Variants in YTHDC2 observed in about 807,000 individuals in gnomAD.
The protein encoded by YTHDC2 is YTH N6-methyladenosine RNA binding protein C2.
In YTHDC2, 45 loss-of-function variants were observed where a neutral mutation model predicts 174.9. The observed-to-expected ratio is 0.26, with a 90% CI of 0.20 to 0.33. The LOEUF (loss-of-function observed/expected upper bound fraction) is 0.33, where lower values mean the gene tolerates loss of function less well. Ranked by LOEUF, YTHDC2 falls within the 10% of genes least tolerant of loss-of-function variation. The pLI is 1.00. For synonymous variants in YTHDC2, 657 were observed against 574.5 expected, an observed-to-expected ratio of 1.14 and a Z score of -2.05; for missense variants, 1,650 against 1,723.7, an observed-to-expected ratio of 0.96 and a Z score of 0.76.
At chr5:113,557,260 A>G (rs1331150412) in intron 17 of YTHDC2, among the ~76,000 whole-genome samples, 1 of 152,232 alleles carries the variant, frequency 6.6e-6, no homozygotes, top group African/African-American at 2.4e-5. Context: ...AAAAGATAAC[A>G]TTAAAAAGTA....
intron 10 of YTHDC2, among the ~76,000 whole-genome samples, chr5:113,548,139 G>A (rs1427374136): frequency 6.6e-6 from 1 of 152,092 alleles, no homozygotes; most frequent in Non-Finnish European, 1.5e-5. Flanking sequence ...TTCATTACTA[G>A]TTACTGATGA....
rs533924645 is a variant in YTHDC2, at chr5:113,553,084, C to G, written c.1689-97C>G. 214 of 1,180,282 alleles carry G rather than the reference C, an allele frequency of 1.8e-4. 5 individuals carry two copies. In the South Asian group the frequency reaches 4.0e-3, roughly 22 times the overall value. 73.1% of individuals were successfully genotyped at this position (1,180,282 alleles called of 1,614,324 possible). On this transcript the variant is annotated intron_variant, in intron 12 of 29. Coordinates refer to ENST00000161863, the MANE Select transcript of YTHDC2 (RefSeq NM_022828.5). ...AGCTAGGACATTAAGTGTCACTTAC[C>G]TTACCTTCCTTAGGGAATATTGGAA...
intron 17 of YTHDC2, among the ~76,000 whole-genome samples, chr5:113,556,812 C>T (rs150477844): frequency 1.3e-5 from 2 of 152,238 alleles, no homozygotes; most frequent in African/African-American, 2.4e-5. Flanking sequence ...TGCTTGCACA[C>T]GTGTGCAAAG....
chr5:113,561,471 A>ATT (rs761408446), intron 18 of YTHDC2, among the ~76,000 whole-genome samples: 1 of 131,662 alleles, frequency 7.6e-6, no homozygotes, highest in African/African-American at 3.5e-5. Flanking sequence ...CTATCTATCT[A>ATT]TATTTTTTTT....
chr5:113,548,894 C>G, intron 11 of YTHDC2, 61 bp from the exon 12 acceptor site: 2 of 1,492,212 alleles, frequency 1.3e-6, no homozygotes, highest in East Asian at 4.6e-5. Flanking sequence ...GTTGCCCAGG[C>G]TCATCATGAA....
intron 4 of YTHDC2, among the ~76,000 whole-genome samples, chr5:113,530,309 AC>A (rs1161707109): frequency 7.8e-4 from 118 of 152,226 alleles, no homozygotes; most frequent in African/African-American, 2.7e-3. Context: ...TGTCTATAGT[AC>A]CAGTGTCTAT....
In YTHDC2 at chr5:113,591,207, A is replaced by G; in HGVS notation, c.3992A>G (p.Tyr1331Cys). The change falls in exon 27 of 30, where the codon TAC becomes TGC. Residue 1331 changes from tyrosine to cysteine, a missense_variant. By Grantham distance (194) the Tyr-to-Cys change is radical. This residue lies in a region of YTHDC2 where 913 missense variants were observed against 940.4 expected (regional missense o/e 0.97). Coordinates refer to ENST00000161863, the MANE Select transcript of YTHDC2 (RefSeq NM_022828.5). Reference protein sequence around the residue: ...NRAFWESSIVYLVFSVQGSGH... With the variant: ...NRAFWESSIVCLVFSVQGSGH... ...GCCTTTTGGGAAAGCAGCATAGTTT[A>G]CTTGGTATTTTCTGTTCAAGGATCT... 6.2e-7 allele frequency: 1 copy of G among 1,613,944 alleles called. No homozygotes were observed. Among genetic ancestry groups the G allele is most frequent in the Non-Finnish European group, 8.5e-7 (1 of 1,179,862 alleles).
At chr5:113,522,383 A>T (rs1773937987) in intron 2 of YTHDC2, among the ~76,000 whole-genome samples, 1 of 152,046 alleles carries the variant, frequency 6.6e-6, no homozygotes, top group African/African-American at 2.4e-5. Context: ...TTATAGCATC[A>T]TTTTTCTTTC....
chr5:113,584,395 A>G lies in YTHDC2; in HGVS notation c.3741A>G (p.Arg1247=), dbSNP rs374507959. The G allele has an allele frequency of 1.9e-6, 3 of 1,613,926 alleles. No individual in the cohort carries two copies. The highest frequency in any genetic ancestry group is 2.5e-6 in the Non-Finnish European group (3 of 1,179,868). The change falls in exon 26 of 30, where the codon CGA becomes CGG. Residue 1247 remains arginine (R), a synonymous_variant. Transcript: ENST00000161863. ...ILHPKRGTED[R]SDQSSLKSTD... is the part of the protein sequence containing the mutation. ...ATCCTAAACGAGGTACTGAGGACCG[A>G]TCAGATCAGTCTTCTCTGAAATCTA...
At chr5:113,558,971 C>G (rs1019556454) in intron 17 of YTHDC2, among the ~76,000 whole-genome samples, 4 of 150,556 alleles carry the variant, frequency 2.7e-5, no homozygotes, top group African/African-American at 9.8e-5. Context: ...AGAAGTTTCT[C>G]AAGTATAGGC....
chr5:113,513,776 C>G lies in YTHDC2; in HGVS notation c.-120C>G, dbSNP rs532690011. The G allele has an allele frequency of 4.3e-6, 5 of 1,163,490 alleles. No individual in the cohort carries two copies. The South Asian group carries it at 8.2e-5, about 19-fold the overall frequency. The allele number at this position is 1,163,490 out of a possible 1,614,324, so 72.1% of individuals were successfully genotyped here. A position where few individuals can be genotyped will look rare whatever the true frequency, so the allele number is the denominator to read the frequency against. On this transcript the variant is annotated 5_prime_UTR_variant, in exon 1 of 30. Coordinates refer to ENST00000161863, the MANE Select transcript of YTHDC2 (RefSeq NM_022828.5). The stretch of plus-strand genomic sequence containing the variant: ...CTGAGGCCTTTCTGGTGACCTCAGC[C>G]CAACACAGGCCGTCTCCGGAGCTTC...
chr5:113,549,080 A>G, intron 12 of YTHDC2, 60 bp downstream of exon 12: 2 of 1,403,768 alleles, frequency 1.4e-6, no homozygotes, highest in Non-Finnish European at 2.0e-6. Context: ...GCTTCACCAT[A>G]TAAATTATGG....
chr5:113,518,659 A>G (rs1311414031), intron 2 of YTHDC2, among the ~76,000 whole-genome samples: 2 of 151,820 alleles, frequency 1.3e-5, no homozygotes, highest in Non-Finnish European at 2.9e-5. Context: ...CACCTGGTGT[A>G]AAGTGCAGAA....
chr5:113,571,938 T>G lies in YTHDC2; in HGVS notation c.3244+4089T>G, dbSNP rs1777749096. Among the ~76,000 whole-genome samples, 5 of 152,158 alleles carry G rather than the reference T, an allele frequency of 3.3e-5. No individual in the cohort carries two copies. In the South Asian group the frequency reaches 1.0e-3, roughly 32 times the overall value. ...AGAACCAGCTTTTTGATTTGCTGAT[T>G]TTTTTGGAGGGTTTTTCCTGTCTCT... On this transcript the variant is annotated intron_variant, in intron 23 of 29. Coordinates refer to ENST00000161863, the MANE Select transcript of YTHDC2 (RefSeq NM_022828.5).
chr5:113,554,067 A>G, intron 16 of YTHDC2, 45 bp downstream of exon 16: 1 of 1,384,368 alleles, frequency 7.2e-7, no homozygotes, highest in Non-Finnish European at 9.6e-7. Context: ...AAGAAGATTA[A>G]GTTCTACTTC....
chr5:113,529,326 T>C (rs1364929678), intron 4 of YTHDC2, among the ~76,000 whole-genome samples: 4 of 152,210 alleles, frequency 2.6e-5, no homozygotes, highest in Admixed American at 6.5e-5. Context: ...CTTTCTCTTA[T>C]ATTGTACTTA....
intron 23 of YTHDC2, 144 bp downstream of exon 23, chr5:113,567,993 G>A (rs1777458986): frequency 1.9e-6 from 1 of 523,268 alleles, no homozygotes; most frequent in Admixed American, 4.3e-5. Context: ...AGACTAATTA[G>A]GAAATACTAA....
chr5:113,545,931 G>A (rs1356040195), intron 10 of YTHDC2, among the ~76,000 whole-genome samples: 2 of 67,302 alleles, frequency 3.0e-5, no homozygotes, highest in South Asian at 3.5e-4. Context: ...TAGTAGAGAC[G>A]GGGTTTCACC....
In YTHDC2 at chr5:113,553,747, T is replaced by C; in HGVS notation, c.1965-20T>C. ...AACGGACAGGTCTTATAGTATGTTT[T>C]CTCTTTCAATTGTCTGCAGATACCA... On this transcript the variant is annotated intron_variant, in intron 14 of 29. Coordinates refer to ENST00000161863, the MANE Select transcript of YTHDC2 (RefSeq NM_022828.5). The C allele has an allele frequency of 6.2e-7, 1 of 1,612,296 alleles. No individual in the cohort carries two copies. Among genetic ancestry groups the C allele is most frequent in the Non-Finnish European group, 8.5e-7 (1 of 1,179,254 alleles).
Sources: allele counts gnomAD v4.1 joint callset (sites outside exome capture counted in the v4.1 genomes callset), GRCh38; gene constraint gnomAD v4.1.1; regional missense constraint gnomAD v4.1.1; transcripts MANE v1.5; gene names NCBI Gene and HGNC (gene_info 2026-07-23, HGNC 2026-07-21).